Variants in CSF2RA observed in about 807,000 individuals in gnomAD.
CSF2RA encodes the protein granulocyte-macrophage colony-stimulating factor receptor subunit alpha.
Under a neutral mutation model 51.6 loss-of-function variants are expected in CSF2RA, and 42 were observed. That is an observed-to-expected ratio of 0.81 (90% CI 0.64 to 1.05). The LOEUF is 1.05. Among genes scored for constraint, CSF2RA ranks in the 50% least tolerant of loss-of-function variants. CSF2RA has a pLI of 0.00. For synonymous variants in CSF2RA, 222 were observed against 193.0 expected (o/e 1.15, Z -1.24); for missense variants, 530 against 501.1 (o/e 1.06, Z -0.55).
chrX:1,308,740 G>A (rs2083927477), intron 12 of CSF2RA, among the ~76,000 whole-genome samples: 1 of 151,966 alleles, frequency 6.6e-6, no homozygotes, highest in Non-Finnish European at 1.5e-5. Flanking sequence ...GACCCCCAGG[G>A]GTCCCCCACA....
the CSF2RA span, among the ~76,000 whole-genome samples, chrX:1,315,927 A>G: frequency 1.0e-4 from 15 of 147,714 alleles, no homozygotes; most frequent in Non-Finnish European, 1.8e-4. Context: ...TTGATGATAG[A>G]TGGATGATAG....
intron 2 of CSF2RA, among the ~76,000 whole-genome samples, chrX:1,279,016 G>A (rs1201562143): frequency 2.0e-5 from 3 of 151,470 alleles, no homozygotes; most frequent in African/African-American, 7.3e-5. Context: ...CAGCCTGGGC[G>A]ACAGAGTGAG....
Position 1,268,849 on chromosome X carries a change from G to C in CSF2RA, c.-121G>C. 1 of 454,144 alleles carries C rather than the reference G, an allele frequency of 2.2e-6. No homozygotes were observed. Among genetic ancestry groups the C allele is most frequent in the Non-Finnish European group, 4.4e-6 (1 of 226,772 alleles). 28.1% of individuals were successfully genotyped at this position (454,144 alleles called of 1,614,324 possible). ...GGGAGTCTCCGAGAGAAGAAAAGCAGGTGGAAGGAGAGGAAGCGGATGCCG... is the reference window on the plus strand; with the variant it reads ...GGGAGTCTCCGAGAGAAGAAAAGCACGTGGAAGGAGAGGAAGCGGATGCCG... On this transcript the variant is annotated 5_prime_UTR_variant, in exon 1 of 13. Coordinates refer to ENST00000381529, the MANE Select transcript of CSF2RA (RefSeq NM_172245.4).
rs746378090 is a variant in CSF2RA, at chrX:1,290,343, G to A, written c.480G>A (p.Arg160=). ...YFLYIRNSKR[R]REIRCPYYIQ... The stretch of plus-strand genomic sequence containing the variant: ...GCACTTTCTAATCTTTCAGGAGAAG[G>A]AGGGAGATCCGGTGTCCTTATTACA... The change falls in exon 7 of 13, where the codon AGG becomes AGA. Residue 160 remains arginine, a synonymous_variant. Transcript: ENST00000381529. 9.3e-6 allele frequency: 15 copies of A among 1,613,212 alleles called. No individual in the cohort carries two copies. In the South Asian group the frequency reaches 1.5e-4, roughly 17 times the overall value.
intron 3 of CSF2RA, among the ~76,000 whole-genome samples, chrX:1,284,379 T>A (rs2090396515): frequency 2.1e-5 from 3 of 145,268 alleles, no homozygotes; most frequent in East Asian, 2.0e-4. Context: ...ATTTAAATTT[T>A]TTTTTTAATT....
At chrX:1,287,531 C>T (rs1226118186) in intron 4 of CSF2RA, among the ~76,000 whole-genome samples, 1 of 149,512 alleles carries the variant, frequency 6.7e-6, no homozygotes, top group African/African-American at 2.5e-5. Context: ...GCAACCTGTG[C>T]CTCCTGGGTT....
At chrX:1,319,188 G>T in the CSF2RA span, among the ~76,000 whole-genome samples, 1 of 149,276 alleles carries the variant, frequency 6.7e-6, no homozygotes, top group Middle Eastern at 3.4e-3. Flanking sequence ...TAAAGACAGG[G>T]TTTCACCATG....
chrX:1,284,578 C>A (rs1332181303), intron 3 of CSF2RA, among the ~76,000 whole-genome samples: 1 of 149,274 alleles, frequency 6.7e-6, no homozygotes. Flanking sequence ...CAGAAATACA[C>A]CACCATGCCA....
the CSF2RA span, among the ~76,000 whole-genome samples, chrX:1,317,572 T>A: frequency 1.1e-3 from 117 of 109,164 alleles, no homozygotes; most frequent in African/African-American, 1.7e-3. Flanking sequence ...TATTTTATTT[T>A]ATTTTTTTTT....
At chrX:1,280,996 TC>T in intron 2 of CSF2RA, among the ~76,000 whole-genome samples, 1 of 119,366 alleles carries the variant, frequency 8.4e-6, no homozygotes, top group Non-Finnish European at 1.8e-5. Context: ...CTCCTCCTTC[TC>T]CTCCTCCTCC....
chrX:1,285,874 G>T lies in CSF2RA; in HGVS notation c.173G>T (p.Ser58Ile). The change falls in exon 4 of 13, where the codon AGC becomes ATC. Residue 58 changes from serine (S) to isoleucine (I), a missense_variant. Physicochemically the swap from Ser to Ile is moderately radical, Grantham distance 142. Transcript: ENST00000381529. ...GACTGCCAAGAAAACACAACCTTCA[G>T]CAAGTGTTTCTTAACTGACAAGAAG... is the stretch of plus-strand genomic sequence containing the variant. ...SWDCQENTTF[S>I]KCFLTDKKNR... The T allele has an allele frequency of 6.2e-7, 1 of 1,613,912 alleles. No homozygotes were observed. The highest frequency in any genetic ancestry group is 8.5e-7 in the Non-Finnish European group (1 of 1,179,866).
downstream of CSF2RA, among the ~76,000 whole-genome samples, chrX:1,312,626 G>A (rs1169620779): frequency 5.3e-5 from 8 of 152,062 alleles, no homozygotes; most frequent in South Asian, 2.1e-4. Context: ...TAATTCAATC[G>A]CCACAGATAC....
chrX:1,302,184 G>A (rs2083055083), intron 10 of CSF2RA, among the ~76,000 whole-genome samples: 1 of 152,062 alleles, frequency 6.6e-6, no homozygotes, highest in African/African-American at 2.4e-5. Flanking sequence ...CCAAAGTGCT[G>A]CAATGACAGG....
intron 12 of CSF2RA, among the ~76,000 whole-genome samples, chrX:1,309,187 C>CAT (rs2083985660): frequency 1.3e-5 from 2 of 151,904 alleles, no homozygotes; most frequent in Non-Finnish European, 2.9e-5. Flanking sequence ...TGGTGGCGGG[C>CAT]GCCTGTAATC....
intron 10 of CSF2RA, among the ~76,000 whole-genome samples, chrX:1,301,604 T>C (rs1187357739): frequency 6.2e-5 from 9 of 145,188 alleles, no homozygotes; most frequent in African/African-American, 1.5e-4. Flanking sequence ...TCTTTTTTTT[T>C]TTTTTTTTTT....
At chrX:1,305,306 T>G (rs2083447122) in intron 11 of CSF2RA, 140 bp from the exon 12 acceptor site, 5 of 968,688 alleles carry the variant, frequency 5.2e-6, no homozygotes, top group Non-Finnish European at 6.6e-6. Context: ...AAGATTTTCG[T>G]CACTTGGTGA....
chrX:1,312,799 G>T (rs141365984), downstream of CSF2RA, among the ~76,000 whole-genome samples: 1 of 151,968 alleles, frequency 6.6e-6, no homozygotes, highest in Admixed American at 6.6e-5. Context: ...AACCCCAGCC[G>T]GCCCCTTGCT....
downstream of CSF2RA, among the ~76,000 whole-genome samples, chrX:1,314,280 C>CA (rs1569514728): frequency 4.0e-4 from 31 of 77,230 alleles, 8 homozygotes; most frequent in East Asian, 3.1e-3. Context: ...CCTGCCCAAC[C>CA]CCACTGCATC....
At chrX:1,287,739 C>T (rs186698012) in intron 4 of CSF2RA, among the ~76,000 whole-genome samples, 3 of 118,718 alleles carry the variant, frequency 2.5e-5, no homozygotes, top group African/African-American at 6.5e-5. Flanking sequence ...CCACTATGTC[C>T]GACCCTTTTT....
Sources: allele counts gnomAD v4.1 joint callset (sites outside exome capture counted in the v4.1 genomes callset), GRCh38; gene constraint gnomAD v4.1.1; transcripts MANE v1.5; gene names NCBI Gene and HGNC (gene_info 2026-07-23, HGNC 2026-07-21).